The following TACR3 variants were observed in gnomAD, a reference collection of about 807,000 sequenced individuals.
The protein encoded by TACR3 is tachykinin receptor 3, also known as neuromedin-K receptor.
In TACR3, 34 loss-of-function variants were observed where a neutral mutation model predicts 35.0. The ratio of observed to expected loss-of-function variants is 0.97; its 90% confidence interval spans 0.74 to 1.30. The LOEUF is 1.30. Among genes scored for constraint, TACR3 ranks in the 50% most tolerant of loss-of-function variants. TACR3 has a pLI of 0.00. For missense variants in TACR3, 558 were observed against 591.7 expected, an observed-to-expected ratio of 0.94 and a Z score of 0.59; for synonymous variants, 233 against 221.1, an observed-to-expected ratio of 1.05 and a Z score of -0.48.
intron 1 of TACR3, among the ~76,000 whole-genome samples, chr4:103,716,372 A>T (rs1723091802): frequency 6.6e-6 from 1 of 152,082 alleles, no homozygotes; most frequent in Non-Finnish European, 1.5e-5. Flanking sequence ...ACAGTTTCGC[A>T]GGACTTTGTA....
At chr4:103,660,583 T>G (rs1382630846) in intron 1 of TACR3, among the ~76,000 whole-genome samples, 1 of 151,788 alleles carries the variant, frequency 6.6e-6, no homozygotes, top group Non-Finnish European at 1.5e-5. Flanking sequence ...AAGGAAATTT[T>G]TTGAGGTGAT....
chr4:103,675,770 T>C (rs776479093), intron 1 of TACR3, among the ~76,000 whole-genome samples: 6 of 152,016 alleles, frequency 3.9e-5, no homozygotes, highest in Non-Finnish European at 8.8e-5. Flanking sequence ...TTCCTCCATG[T>C]GTCTCCCATT....
intron 1 of TACR3, among the ~76,000 whole-genome samples, chr4:103,717,551 TACA>T (rs1723116677): frequency 1.3e-5 from 2 of 152,136 alleles, no homozygotes; most frequent in African/African-American, 2.4e-5. Context: ...CAAATTGAAA[TACA>T]GATTTCACAT....
intron 1 of TACR3, among the ~76,000 whole-genome samples, chr4:103,663,845 T>C (rs1725883126): frequency 6.6e-6 from 1 of 152,248 alleles, no homozygotes; most frequent in Admixed American, 6.5e-5. Flanking sequence ...ACAAACATTC[T>C]CTGGACCTTG....
intron 4 of TACR3, 98 bp downstream of exon 4, chr4:103,591,389 T>A: frequency 6.9e-7 from 1 of 1,449,316 alleles, no homozygotes; most frequent in Non-Finnish European, 9.7e-7. Flanking sequence ...CCCTTCCTTC[T>A]GCATTTTGAA....
At chr4:103,709,174 C>T (rs1002344859) in intron 1 of TACR3, among the ~76,000 whole-genome samples, 1 of 152,004 alleles carries the variant, frequency 6.6e-6, no homozygotes, top group African/African-American at 2.4e-5. Flanking sequence ...AGATACTCCT[C>T]GAGAAGAGCA....
intron 1 of TACR3, among the ~76,000 whole-genome samples, chr4:103,670,463 A>C (rs981047322): frequency 2.0e-5 from 3 of 151,988 alleles, no homozygotes; most frequent in African/African-American, 7.2e-5. Context: ...CAGGCCATGA[A>C]CATGAAATAT....
chr4:103,697,953 C>T (rs754220976), intron 1 of TACR3, among the ~76,000 whole-genome samples: 31 of 152,092 alleles, frequency 2.0e-4, no homozygotes, highest in Non-Finnish European at 3.2e-4. Flanking sequence ...GAATGGTGAA[C>T]GGGGATTGCC....
At chr4:103,687,946 C>A (rs565400644) in intron 1 of TACR3, among the ~76,000 whole-genome samples, 78 of 152,242 alleles carry the variant, frequency 5.1e-4, no homozygotes, top group African/African-American at 1.9e-3. Flanking sequence ...CCAAGTCAGT[C>A]CTAAGCCAAA....
chr4:103,677,310 A>G (rs371634611), intron 1 of TACR3, among the ~76,000 whole-genome samples: 54 of 146,382 alleles, frequency 3.7e-4, no homozygotes, highest in African/African-American at 1.3e-3. Context: ...GTGATTCCTC[A>G]AAGATGTAGA....
chr4:103,684,805 C>G (rs928144058), intron 1 of TACR3, among the ~76,000 whole-genome samples: 2 of 151,806 alleles, frequency 1.3e-5, no homozygotes, highest in Middle Eastern at 3.2e-3. Context: ...GAGCTCAAGA[C>G]CAGCCTGGCC....
intron 3 of TACR3, chr4:103,593,516 C>G (rs1307298854): frequency 6.6e-6 from 1 of 152,144 alleles, no homozygotes; most frequent in Non-Finnish European, 1.5e-5. Flanking sequence ...TGACTCAATA[C>G]ATGCCTACTA....
intron 1 of TACR3, among the ~76,000 whole-genome samples, chr4:103,718,371 C>T (rs537121491): frequency 6.6e-6 from 1 of 152,308 alleles, no homozygotes; most frequent in Non-Finnish European, 1.5e-5. Flanking sequence ...GGTAGGGATT[C>T]ACCATTGTAT....
intron 3 of TACR3, among the ~76,000 whole-genome samples, chr4:103,637,595 C>T (rs1470752224): frequency 2.6e-5 from 4 of 152,066 alleles, no homozygotes; most frequent in Admixed American, 6.6e-5. Context: ...CCAGGGCAAT[C>T]AGGCAGGAGA....
intron 3 of TACR3, among the ~76,000 whole-genome samples, chr4:103,640,102 G>T (rs1280964222): frequency 6.6e-6 from 1 of 151,868 alleles, no homozygotes; most frequent in Non-Finnish European, 1.5e-5. Flanking sequence ...AACATTGCAA[G>T]AAAAATATTA....
At chr4:103,683,470 C>CAAAAAAAAAAAAAAAAAAAAAAGAAAAAA (rs1722147044) in intron 1 of TACR3, among the ~76,000 whole-genome samples, 1 of 21,142 alleles carries the variant, frequency 4.7e-5, no homozygotes, top group Non-Finnish European at 8.9e-5. Flanking sequence ...AAAGACTGAC[C>CAAAAAAAAAAAAAAAAAAAAAAGAAAAAA]AAAAAAAAAA....
intron 1 of TACR3, among the ~76,000 whole-genome samples, chr4:103,661,180 T>C (rs1323807577): frequency 1.3e-5 from 2 of 152,100 alleles, no homozygotes; most frequent in Non-Finnish European, 2.9e-5. Context: ...TTATGTGTTA[T>C]ATGTGTGTGT....
intron 1 of TACR3, among the ~76,000 whole-genome samples, chr4:103,683,427 T>C (rs1358495586): frequency 1.5e-5 from 2 of 136,410 alleles, no homozygotes; most frequent in Non-Finnish European, 3.1e-5. Context: ...AAATAACCTT[T>C]TGGAAAGCTT....
chr4:103,613,627 A>C (rs1187317928), intron 3 of TACR3, among the ~76,000 whole-genome samples: 8 of 152,078 alleles, frequency 5.3e-5, no homozygotes, highest in South Asian at 2.1e-4. Context: ...GTGCAAGACT[A>C]ATATTGTATT....
Sources: gnomAD v4.1 joint callset for allele counts (sites outside exome capture counted in the v4.1 genomes callset) on GRCh38, gnomAD v4.1.1 for gene constraint, MANE v1.5 for transcripts, NCBI Gene and HGNC (gene_info 2026-07-23, HGNC 2026-07-21) for gene names.